Variants in BRINP3 observed in about 807,000 individuals in gnomAD.
The protein encoded by BRINP3 is BMP/retinoic acid inducible neural specific 3.
BRINP3 carries 19 observed loss-of-function variants against 71.0 expected under a neutral mutation model. That is an observed-to-expected ratio of 0.27 (90% CI 0.19 to 0.39). The LOEUF (loss-of-function observed/expected upper bound fraction) is 0.39. BRINP3 is among the 10% of genes least tolerant of loss of function. The pLI is 1.00. For synonymous variants in BRINP3, 380 were observed against 337.7 expected (o/e 1.13, Z -1.37); for missense variants, 959 against 940.8 (o/e 1.02, Z -0.25).
chr1:190,221,217 C>G (rs1184522124), intron 6 of BRINP3, among the ~76,000 whole-genome samples: 9 of 152,040 alleles, frequency 5.9e-5, no homozygotes, highest in Non-Finnish European at 1.3e-4. Flanking sequence ...GACTCCATCT[C>G]AAACAAACAA....
chr1:190,457,084 C>A (rs900983997), intron 1 of BRINP3, among the ~76,000 whole-genome samples: 2 of 152,054 alleles, frequency 1.3e-5, no homozygotes, highest in Admixed American at 1.3e-4. Context: ...GGATATATAA[C>A]GTCAAGAGAC....
intron 2 of BRINP3, among the ~76,000 whole-genome samples, chr1:190,361,332 A>G (rs1312963816): frequency 6.6e-6 from 1 of 152,070 alleles, no homozygotes; most frequent in African/African-American, 2.4e-5. Context: ...CCCATGGTGT[A>G]GATCATATAA....
chr1:190,427,495 C>A (rs1207887485), intron 2 of BRINP3, among the ~76,000 whole-genome samples: 1 of 151,928 alleles, frequency 6.6e-6, no homozygotes, highest in African/African-American at 2.4e-5. Flanking sequence ...ATTTCTGAAA[C>A]AAGTTTTTAT....
At chr1:190,223,580 T>C (rs1317623490) in intron 6 of BRINP3, among the ~76,000 whole-genome samples, 1 of 151,948 alleles carries the variant, frequency 6.6e-6, no homozygotes, top group Non-Finnish European at 1.5e-5. Context: ...AATAATTTTT[T>C]CTTATGAGAA....
chr1:190,224,004 A>T (rs1384722271), intron 6 of BRINP3, among the ~76,000 whole-genome samples: 4 of 151,846 alleles, frequency 2.6e-5, no homozygotes, highest in African/African-American at 9.7e-5. Context: ...CACACAAATA[A>T]TGTAAAGATA....
At chr1:190,182,259 G>A (rs2102539238) in intron 6 of BRINP3, among the ~76,000 whole-genome samples, 1 of 151,964 alleles carries the variant, frequency 6.6e-6, no homozygotes, top group Middle Eastern at 3.4e-3. Context: ...CTGCTATTGT[G>A]TCTTTGACTA....
chr1:190,199,361 C>A (rs750238918), intron 6 of BRINP3, among the ~76,000 whole-genome samples: 22 of 152,032 alleles, frequency 1.4e-4, no homozygotes, highest in Admixed American at 2.0e-4. Context: ...CCTGGAGGTA[C>A]AATGAATTTG....
intron 4 of BRINP3, among the ~76,000 whole-genome samples, chr1:190,248,039 A>T (rs979078809): frequency 6.6e-6 from 1 of 151,768 alleles, no homozygotes; most frequent in African/African-American, 2.4e-5. Flanking sequence ...TGGAGATCTC[A>T]GTGTCCCCTC....
chr1:190,419,844 A>G (rs533276188), intron 2 of BRINP3, among the ~76,000 whole-genome samples: 10 of 150,770 alleles, frequency 6.6e-5, no homozygotes, highest in African/African-American at 2.4e-4. Flanking sequence ...AACTAGAAGA[A>G]AAAAAGAATC....
In BRINP3 at chr1:190,448,544, A is replaced by T. The variant is rs890061556; in HGVS notation, c.236+6111T>A. 5.3e-4 allele frequency among the ~76,000 whole-genome samples: 80 copies of T among 150,638 alleles called. 1 individual carries two copies. Among genetic ancestry groups the T allele is most frequent in the Non-Finnish European group, 3.0e-4 (20 of 67,434 alleles). ...ATAGCAGATTAAAGTTTCTTGTGACAGTTATGTTTTTTTAATTTCTCCTGG... is the reference window on the plus strand; with the variant it reads ...ATAGCAGATTAAAGTTTCTTGTGACTGTTATGTTTTTTTAATTTCTCCTGG... On this transcript the variant is annotated intron_variant, in intron 2 of 7. Coordinates refer to ENST00000367462, the MANE Select transcript of BRINP3 (RefSeq NM_199051.3).
intron 7 of BRINP3, among the ~76,000 whole-genome samples, chr1:190,120,709 TGGCC>T (rs1653573234): frequency 6.6e-6 from 1 of 151,728 alleles, no homozygotes; most frequent in African/African-American, 2.4e-5. Context: ...TTCAACATCT[TGGCC>T]AGGCTGGTCT....
Position 190,350,983 on chromosome 1 carries a change from A to T in BRINP3, c.237-69233T>A, listed in dbSNP as rs561415624. Among the ~76,000 whole-genome samples the T allele has an allele frequency of 7.2e-5, 11 of 151,890 alleles. No homozygotes were observed. The South Asian group carries it at 2.3e-3, about 32-fold the overall frequency. ...GATTACAGGCATGTGCCATCATGCC[A>T]GGCTAATTTTGGGGTTTTTCCATGT... On this transcript the variant is annotated intron_variant, in intron 2 of 7. Transcript: ENST00000367462.
At chr1:190,104,221 T>C (rs1165101694) in intron 7 of BRINP3, among the ~76,000 whole-genome samples, 1 of 152,000 alleles carries the variant, frequency 6.6e-6, no homozygotes, top group Non-Finnish European at 1.5e-5. Flanking sequence ...TGATGTAACA[T>C]TTAGGTTCTT....
At chr1:190,462,427 C>T (rs982299662) in intron 1 of BRINP3, among the ~76,000 whole-genome samples, 10 of 151,906 alleles carry the variant, frequency 6.6e-5, no homozygotes, top group African/African-American at 2.4e-4. Context: ...ACAGCCAAAC[C>T]AAAATCCCCC....
chr1:190,381,054 T>TAAGG (rs1670516338), intron 2 of BRINP3, among the ~76,000 whole-genome samples: 2 of 152,104 alleles, frequency 1.3e-5, no homozygotes, highest in Non-Finnish European at 2.9e-5. Flanking sequence ...AGTGATAGAT[T>TAAGG]AAGGGCTAGA....
chr1:190,375,793 G>T (rs1275039277), intron 2 of BRINP3, among the ~76,000 whole-genome samples: 1 of 151,790 alleles, frequency 6.6e-6, no homozygotes, highest in African/African-American at 2.4e-5. Flanking sequence ...AAGGCCCTCT[G>T]ATATATTTGA....
At chr1:190,218,780 T>C (rs1656628018) in intron 6 of BRINP3, among the ~76,000 whole-genome samples, 1 of 152,106 alleles carries the variant, frequency 6.6e-6, no homozygotes, top group Non-Finnish European at 1.5e-5. Flanking sequence ...GCTTCCATTA[T>C]TTTGGTTGTT....
chr1:190,386,583 C>T (rs1046384206), intron 2 of BRINP3, among the ~76,000 whole-genome samples: 4 of 151,866 alleles, frequency 2.6e-5, no homozygotes, highest in Admixed American at 1.3e-4. Context: ...ATTCCATAGA[C>T]AAACTAATTT....
At chr1:190,227,681 A>G (rs1011003546) in intron 5 of BRINP3, among the ~76,000 whole-genome samples, 10 of 151,924 alleles carry the variant, frequency 6.6e-5, no homozygotes, top group Admixed American at 2.0e-4. Flanking sequence ...ATAGTTTTCA[A>G]TATTGAGTGA....
Sources: allele counts gnomAD v4.1 joint callset (sites outside exome capture counted in the v4.1 genomes callset), GRCh38; gene constraint gnomAD v4.1.1; transcripts MANE v1.5; gene names NCBI Gene and HGNC (gene_info 2026-07-23, HGNC 2026-07-21).